UMAD1: variants seen among roughly 807,000 people sequenced by gnomAD.
UMAD1 encodes the protein UBAP1-MVB12-associated (UMA)-domain containing protein 1.
UMAD1 carries 8 observed loss-of-function variants against 6.1 expected under a neutral mutation model. The observed-to-expected ratio is 1.30, with a 90% confidence interval of 0.76 to 2.35. The LOEUF is 2.35. Among genes scored for constraint, UMAD1 ranks in the 30% most tolerant of loss-of-function variants. The pLI, the probability that UMAD1 is intolerant of heterozygous loss-of-function variation, is 0.00. For missense variants in UMAD1, 130 were observed against 78.4 expected, an observed-to-expected ratio of 1.66 and a Z score of -2.49; for synonymous variants, 56 against 31.4, an observed-to-expected ratio of 1.78 and a Z score of -2.61.
chr7:7,720,189 TA>T (rs539118989), intron 2 of UMAD1, among the ~76,000 whole-genome samples: 20 of 151,932 alleles, frequency 1.3e-4, no homozygotes, highest in East Asian at 9.7e-4. Flanking sequence ...TGTAAATAGC[TA>T]AAAAAAATAT....
chr7:7,660,084 T>C lies in UMAD1; in HGVS notation c.-63-13225T>C. ...TCTTTTTGTCTCTTTTGATCTTTGT[T>C]GGTTTAAAGTCTGTTTTATCAGAGA... On this transcript the variant is annotated intron_variant, in intron 1 of 3. Coordinates refer to ENST00000682710, the MANE Select transcript of UMAD1 (RefSeq NM_001302348.2). 1.3e-5 allele frequency among the ~76,000 whole-genome samples: 2 copies of C among 152,226 alleles called. 1 individual carries two copies. Among genetic ancestry groups the C allele is most frequent in the East Asian group, 3.8e-4 (2 of 5,206 alleles).
intron 3 of UMAD1, among the ~76,000 whole-genome samples, chr7:7,866,561 C>T (rs1784229338): frequency 6.6e-6 from 1 of 152,176 alleles, no homozygotes; most frequent in South Asian, 2.1e-4. Flanking sequence ...AGGCTCAGAA[C>T]TAAAGAGAAA....
intron 2 of UMAD1, among the ~76,000 whole-genome samples, chr7:7,723,824 A>G (rs1432852082): frequency 3.3e-5 from 5 of 152,218 alleles, no homozygotes; most frequent in African/African-American, 4.8e-5. Context: ...AACAATCAGA[A>G]TAGTCTGACT....
At chr7:7,671,399 A>G (rs1779601865) in intron 1 of UMAD1, among the ~76,000 whole-genome samples, 1 of 152,204 alleles carries the variant, frequency 6.6e-6, no homozygotes, top group African/African-American at 2.4e-5. Context: ...CCCAAGAGAA[A>G]GAATTTACTG....
intron 2 of UMAD1, among the ~76,000 whole-genome samples, chr7:7,728,649 A>G (rs1467854115): frequency 1.3e-5 from 2 of 151,916 alleles, no homozygotes; most frequent in Non-Finnish European, 2.9e-5. Flanking sequence ...ATCTTAAGAA[A>G]AAAAAAAAAA....
intron 2 of UMAD1, among the ~76,000 whole-genome samples, chr7:7,701,869 A>G (rs964246157): frequency 1.3e-5 from 2 of 152,002 alleles, no homozygotes; most frequent in African/African-American, 2.4e-5. Context: ...TTCAGTCTCC[A>G]TTTATCTTTC....
intron 3 of UMAD1, among the ~76,000 whole-genome samples, chr7:7,860,115 G>C (rs1185032845): frequency 6.6e-6 from 1 of 152,160 alleles, no homozygotes; most frequent in Non-Finnish European, 1.5e-5. Context: ...AAGTATTGTA[G>C]TGTAGAGTTC....
intron 1 of UMAD1, among the ~76,000 whole-genome samples, chr7:7,655,798 T>C (rs1394849084): frequency 6.6e-6 from 1 of 150,594 alleles, no homozygotes; most frequent in Non-Finnish European, 1.5e-5. Context: ...AGGTATATAG[T>C]AAGTGTATAT....
At chr7:7,737,127 C>T (rs1013811674) in intron 2 of UMAD1, among the ~76,000 whole-genome samples, 3 of 152,236 alleles carry the variant, frequency 2.0e-5, no homozygotes, top group Admixed American at 2.0e-4. Context: ...GTTAAGCTTA[C>T]AAATTATATA....
At chr7:7,680,394 C>A (rs1442105781) in intron 2 of UMAD1, among the ~76,000 whole-genome samples, 2 of 152,060 alleles carry the variant, frequency 1.3e-5, no homozygotes, top group African/African-American at 4.8e-5. Flanking sequence ...TTCCATTCGT[C>A]CATGTGTCTG....
chr7:7,817,038 G>A (rs6956438), intron 3 of UMAD1, among the ~76,000 whole-genome samples: 129,323 of 152,236 alleles, frequency 0.85, 55,193 homozygotes, highest in Middle Eastern at 0.9. Context: ...CTGTGTAAAC[G>A]TTCAGGTCTG....
intron 2 of UMAD1, among the ~76,000 whole-genome samples, chr7:7,680,135 A>G (rs983302520): frequency 3.3e-5 from 5 of 151,982 alleles, no homozygotes; most frequent in Non-Finnish European, 7.4e-5. Flanking sequence ...GTCCTGTAGC[A>G]TTTGCCCAAT....
intron 2 of UMAD1, among the ~76,000 whole-genome samples, chr7:7,799,786 A>G (rs1467809687): frequency 6.6e-6 from 1 of 152,146 alleles, no homozygotes; most frequent in African/African-American, 2.4e-5. Context: ...CTTATCCCTC[A>G]CTTTCAGACA....
At position 7,878,571 on chromosome 7, in the gene UMAD1, G is replaced by A. The variant is rs531890085; in HGVS notation, c.*1033G>A. 1 of 152,168 alleles carries A rather than the reference G, an allele frequency of 6.6e-6. No individual in the cohort carries two copies. The highest frequency in any genetic ancestry group is 2.4e-5 in the African/African-American group (1 of 41,524). 9.4% of individuals were successfully genotyped at this position (152,168 alleles called of 1,614,324 possible). On this transcript the variant is annotated 3_prime_UTR_variant, in exon 4 of 4. Transcript: ENST00000682710. ...TGCCATTGGTCAATAAACTGTAAAG[G>A]GAAGAGGTAAATTGTGATAGAGAAT...
intron 1 of UMAD1, among the ~76,000 whole-genome samples, chr7:7,669,448 A>T (rs773829811): frequency 6.6e-6 from 1 of 152,178 alleles, no homozygotes; most frequent in Non-Finnish European, 1.5e-5. Flanking sequence ...TTTTTATACC[A>T]CTGTGTGTTT....
intron 2 of UMAD1, among the ~76,000 whole-genome samples, chr7:7,733,715 A>G (rs1781297730): frequency 6.6e-6 from 1 of 151,136 alleles, no homozygotes. Flanking sequence ...ACTTTTCTTT[A>G]TTTATAATAA....
At chr7:7,650,972 C>T (rs1476664084) in intron 1 of UMAD1, among the ~76,000 whole-genome samples, 1 of 152,178 alleles carries the variant, frequency 6.6e-6, no homozygotes, top group Non-Finnish European at 1.5e-5. Flanking sequence ...GCAGAATCCC[C>T]ATATTTGCTC....
chr7:7,847,102 AAAATATATATATATATATATAT>A lies in UMAD1; in HGVS notation c.157-30177_157-30156del, dbSNP rs1285371633. On this transcript the variant is annotated intron_variant, in intron 3 of 3. Coordinates refer to ENST00000682710, the MANE Select transcript of UMAD1 (RefSeq NM_001302348.2). ...GACAGCAATGCAAAAAAAAAAAAAAAAAATATATATATATATATATATATATATATATATATATATATATATA... is the reference window on the plus strand; with the variant it reads ...GACAGCAATGCAAAAAAAAAAAAAAAATATATATATATATATATATATATA... 4.2e-3 allele frequency among the ~76,000 whole-genome samples: 86 copies of A among 20,260 alleles called. 9 individuals are homozygous for A. Among genetic ancestry groups the A allele is most frequent in the African/African-American group, 0.017 (53 of 3,126 alleles). The allele number at this position is 20,260 out of a possible 152,430, so 13.3% of individuals were successfully genotyped here.
intron 3 of UMAD1, among the ~76,000 whole-genome samples, chr7:7,851,562 G>A (rs1783918151): frequency 6.6e-6 from 1 of 152,114 alleles, no homozygotes; most frequent in South Asian, 2.1e-4. Flanking sequence ...CTGACCAGAA[G>A]TTGTTATTAT....
Sources: gnomAD v4.1 joint callset for allele counts (sites outside exome capture counted in the v4.1 genomes callset) on GRCh38, gnomAD v4.1.1 for gene constraint, MANE v1.5 for transcripts, NCBI Gene and HGNC (gene_info 2026-07-23, HGNC 2026-07-21) for gene names.